The following BICD1 variants were observed in gnomAD, a reference collection of about 807,000 sequenced individuals.
The protein encoded by BICD1 is protein bicaudal D homolog 1.
In BICD1, 35 loss-of-function variants were observed where a neutral mutation model predicts 92.5. That is an observed-to-expected ratio of 0.38 (90% CI 0.29 to 0.50). The LOEUF is 0.50. Among genes scored for constraint, BICD1 ranks in the 20% least tolerant of loss-of-function variants. The pLI is 0.93. For synonymous variants in BICD1, 429 were observed against 465.1 expected, an observed-to-expected ratio of 0.92 and a Z score of 1.00; for missense variants, 950 against 1,189.8, an observed-to-expected ratio of 0.80 and a Z score of 2.97.
At chr12:32,256,752 T>C (rs1245353515) in intron 2 of BICD1, among the ~76,000 whole-genome samples, 1 of 152,170 alleles carries the variant, frequency 6.6e-6, no homozygotes, top group Non-Finnish European at 1.5e-5. Flanking sequence ...TCTTTGTTTT[T>C]TATCTGTAAA....
intron 1 of BICD1, among the ~76,000 whole-genome samples, chr12:32,117,711 T>TACACACACAC (rs747943737): frequency 1.1e-4 from 13 of 117,026 alleles, no homozygotes; most frequent in African/African-American, 3.0e-4. Context: ...CAAATATATA[T>TACACACACAC]ACACACACAC....
Position 32,184,350 on chromosome 12 carries a change from G to A in BICD1, c.214-31897G>A, listed in dbSNP as rs993242108. 3.9e-5 allele frequency among the ~76,000 whole-genome samples: 6 copies of A among 152,196 alleles called. No homozygotes were observed. In the South Asian group the frequency reaches 1.2e-3, roughly 32 times the overall value. ...TCGCCAGGCTGGAGTGCAGTGGCGC[G>A]ATCTTGGCTCACTGCAACCTCCACC... On this transcript the variant is annotated intron_variant, in intron 1 of 9. Coordinates refer to ENST00000652176, the MANE Select transcript of BICD1 (RefSeq NM_001714.4).
chr12:32,363,965 C>T (rs976007974), intron 8 of BICD1, among the ~76,000 whole-genome samples: 1 of 151,888 alleles, frequency 6.6e-6, no homozygotes, highest in Non-Finnish European at 1.5e-5. Context: ...CCTGAGACAT[C>T]GTAAACAATA....
intron 1 of BICD1, among the ~76,000 whole-genome samples, chr12:32,196,564 T>C (rs906837177): frequency 1.3e-5 from 2 of 152,210 alleles, no homozygotes; most frequent in Non-Finnish European, 2.9e-5. Context: ...TACTTATATG[T>C]AGAATCTAAA....
intron 1 of BICD1, among the ~76,000 whole-genome samples, chr12:32,146,157 G>T (rs1943095054): frequency 6.6e-6 from 1 of 152,142 alleles, no homozygotes; most frequent in African/African-American, 2.4e-5. Flanking sequence ...CCAGCGTTAA[G>T]TTGACAGTTA....
rs144838879 is a variant in BICD1, at chr12:32,348,658, G to A, written c.2764+9679G>A. Among the ~76,000 whole-genome samples, 288 of 129,046 alleles carry A rather than the reference G, an allele frequency of 2.2e-3. 2 individuals are homozygous for A. Among genetic ancestry groups the A allele is most frequent in the African/African-American group, 8.0e-3 (270 of 33,852 alleles). The allele number at this position is 129,046 out of a possible 152,430, so 84.7% of individuals were successfully genotyped here. Reference sequence around the variant, plus strand: ...ATACATGAGGCCCAGGACATTCCAGGCAATAACTGTCTGCCTCTCCTGACT... The same window carrying A: ...ATACATGAGGCCCAGGACATTCCAGACAATAACTGTCTGCCTCTCCTGACT... On this transcript the variant is annotated intron_variant, in intron 8 of 9. Transcript: ENST00000652176.
chr12:32,305,887 G>C lies in BICD1; in HGVS notation c.770G>C (p.Ser257Thr), dbSNP rs749213007. 3.7e-6 allele frequency: 6 copies of C among 1,614,172 alleles called. No homozygotes were observed. The highest frequency in any genetic ancestry group is 1.1e-5 in the South Asian group (1 of 91,082). Residue 257 changes from serine to threonine, a missense_variant, in exon 4 of 10, where the codon AGC becomes ACC. By Grantham distance (58) the Ser-to-Thr change is moderately conservative (BLOSUM62 1). Coordinates refer to ENST00000652176, the MANE Select transcript of BICD1 (RefSeq NM_001714.4). ...NLRKELSQYI[S>T]LNDNHISISV... is the part of the protein sequence containing the mutation. ...CGGAAGGAGCTCTCCCAGTATATCA[G>C]CCTCAATGATAACCATATCAGCATC...
intron 4 of BICD1, among the ~76,000 whole-genome samples, chr12:32,314,619 T>C (rs913395274): frequency 2.0e-5 from 3 of 152,218 alleles, no homozygotes; most frequent in Non-Finnish European, 4.4e-5. Flanking sequence ...GGTTGTCTTT[T>C]TATTTCTGAG....
chr12:32,362,557 C>T (rs1202980730), intron 8 of BICD1, among the ~76,000 whole-genome samples: 4 of 152,162 alleles, frequency 2.6e-5, no homozygotes, highest in Non-Finnish European at 5.9e-5. Context: ...TTTGAGAGCG[C>T]TGGTTGCCTT....
intron 1 of BICD1, among the ~76,000 whole-genome samples, chr12:32,207,598 G>A (rs1304657024): frequency 6.6e-6 from 1 of 152,068 alleles, no homozygotes; most frequent in East Asian, 1.9e-4. Context: ...TACAAAATGA[G>A]AATCAAAAAT....
intron 5 of BICD1, chr12:32,332,775 A>T: frequency 3.5e-5 from 28 of 794,616 alleles, no homozygotes; most frequent in Non-Finnish European, 4.1e-5. Flanking sequence ...TTCCAGACAG[A>T]ACAGTAGGTA....
At chr12:32,348,772 A>ATATATATATG (rs1565689041) in intron 8 of BICD1, among the ~76,000 whole-genome samples, 5 of 52,730 alleles carry the variant, frequency 9.5e-5, no homozygotes, top group African/African-American at 4.4e-4. Flanking sequence ...ATATATATAT[A>ATATATATATG]TATATATCAG....
chr12:32,164,494 C>T (rs766141406), intron 1 of BICD1, among the ~76,000 whole-genome samples: 1 of 152,074 alleles, frequency 6.6e-6, no homozygotes, highest in African/African-American at 2.4e-5. Context: ...TTTTTATTGG[C>T]GTCAAACTAC....
At chr12:32,366,523 G>A (rs374105291) in intron 8 of BICD1, among the ~76,000 whole-genome samples, 2 of 152,144 alleles carry the variant, frequency 1.3e-5, no homozygotes, top group South Asian at 4.1e-4. Flanking sequence ...GGAGGCTGAG[G>A]CAGGAGAATC....
chr12:32,219,194 A>T (rs890562927), intron 2 of BICD1, among the ~76,000 whole-genome samples: 3 of 152,156 alleles, frequency 2.0e-5, no homozygotes, highest in African/African-American at 7.2e-5. Context: ...AACTTAATTA[A>T]TGGGATAATT....
intron 1 of BICD1, among the ~76,000 whole-genome samples, chr12:32,147,484 C>T (rs1346353321): frequency 2.1e-5 from 3 of 145,924 alleles, no homozygotes; most frequent in Non-Finnish European, 4.6e-5. Context: ...TTACGATTTA[C>T]TAAGAAGAAT....
At chr12:32,161,221 T>C (rs760154260) in intron 1 of BICD1, among the ~76,000 whole-genome samples, 1 of 152,286 alleles carries the variant, frequency 6.6e-6, no homozygotes. Context: ...TAGTGCTGAG[T>C]AGTAATCTCT....
At chr12:32,195,974 C>T (rs187137743) in intron 1 of BICD1, among the ~76,000 whole-genome samples, 8 of 152,188 alleles carry the variant, frequency 5.3e-5, no homozygotes, top group African/African-American at 7.2e-5. Flanking sequence ...AATTTAAAAA[C>T]GGACAAAGGA....
intron 4 of BICD1, among the ~76,000 whole-genome samples, chr12:32,308,601 T>C (rs936378408): frequency 2.0e-5 from 3 of 152,198 alleles, no homozygotes; most frequent in Non-Finnish European, 2.9e-5. Context: ...TTAACTATTA[T>C]TTTTGGGCTA....
Sources: gnomAD v4.1 joint callset for allele counts (sites outside exome capture counted in the v4.1 genomes callset) on GRCh38, gnomAD v4.1.1 for gene constraint, MANE v1.5 for transcripts, NCBI Gene and HGNC (gene_info 2026-07-23, HGNC 2026-07-21) for gene names.